The following ERC1 variants were observed in gnomAD, a reference collection of about 807,000 sequenced individuals.
ERC1 encodes RAB6 interacting protein 2.
In ERC1, 56 loss-of-function variants were observed where a neutral mutation model predicts 132.0. The observed-to-expected ratio is 0.42, with a 90% CI of 0.34 to 0.53. The LOEUF is 0.53. ERC1 is among the 20% of genes least tolerant of loss of function. ERC1 has a pLI of 0.03. For synonymous variants in ERC1, 478 were observed against 476.1 expected (o/e 1.00, Z -0.05); for missense variants, 1,202 against 1,349.9 (o/e 0.89, Z 1.72).
intron 8 of ERC1, among the ~76,000 whole-genome samples, chr12:1,149,676 G>A (rs1386668008): frequency 6.6e-6 from 1 of 152,076 alleles, no homozygotes; most frequent in Non-Finnish European, 1.5e-5. Flanking sequence ...TACGATTACA[G>A]GCATGAGCCA....
At chr12:1,457,291 G>A (rs1362189445) in intron 18 of ERC1, among the ~76,000 whole-genome samples, 3 of 152,160 alleles carry the variant, frequency 2.0e-5, no homozygotes, top group African/African-American at 7.2e-5. Context: ...TGACATGTCT[G>A]TAGTATGCAG....
At chr12:1,415,973 T>G (rs757821663) in intron 17 of ERC1, among the ~76,000 whole-genome samples, 3 of 152,208 alleles carry the variant, frequency 2.0e-5, no homozygotes, top group Non-Finnish European at 2.9e-5. Flanking sequence ...TAAATAATTT[T>G]CCAAGATTAC....
chr12:1,283,024 A>G (rs984040512), intron 14 of ERC1, among the ~76,000 whole-genome samples: 3 of 152,196 alleles, frequency 2.0e-5, no homozygotes, highest in Non-Finnish European at 4.4e-5. Flanking sequence ...AAGGTGGGAA[A>G]CTTGAAGAAG....
chr12:1,265,827 G>A (rs113397868), intron 14 of ERC1, among the ~76,000 whole-genome samples: 2,228 of 152,206 alleles, frequency 0.015, 47 homozygotes, highest in African/African-American at 0.051. Context: ...TGTTCAGATT[G>A]GCTTCTTTCA....
chr12:1,453,234 C>T (rs1393107952), intron 18 of ERC1, among the ~76,000 whole-genome samples: 1 of 152,098 alleles, frequency 6.6e-6, no homozygotes, highest in Non-Finnish European at 1.5e-5. Flanking sequence ...GGCTGATTTC[C>T]TACCCCTTCC....
At chr12:1,011,267 C>T (rs1964636995) in intron 1 of ERC1, among the ~76,000 whole-genome samples, 1 of 152,150 alleles carries the variant, frequency 6.6e-6, no homozygotes, top group South Asian at 2.1e-4. Context: ...GTTGCCATCA[C>T]CGCTCACTCT....
chr12:1,176,450 C>G lies in ERC1; in HGVS notation c.1738-4090C>G, dbSNP rs900860869. Among the ~76,000 whole-genome samples the G allele has an allele frequency of 2.6e-5, 4 of 152,164 alleles. No individual in the cohort carries two copies. The East Asian group carries it at 7.7e-4, about 29-fold the overall frequency. ...TAGGCAGAGTAGATTTACCATAATT[C>G]CACAGGCCCTAGGATTTTCAGAATG... On this transcript the variant is annotated intron_variant, in intron 8 of 18. Coordinates refer to ENST00000360905, the MANE Select transcript of ERC1 (RefSeq NM_178040.4).
At chr12:1,179,754 G>A (rs565827966) in intron 8 of ERC1, among the ~76,000 whole-genome samples, 23 of 152,122 alleles carry the variant, frequency 1.5e-4, no homozygotes, top group Admixed American at 6.5e-4. Context: ...TGATCTGCCC[G>A]CCTCGGCCTC....
intron 18 of ERC1, among the ~76,000 whole-genome samples, chr12:1,488,266 A>G (rs1452361571): frequency 6.6e-6 from 1 of 151,770 alleles, no homozygotes; most frequent in African/African-American, 2.4e-5. Context: ...ACAGGCATGC[A>G]CCACTGTACG....
At chr12:1,092,486 G>A (rs997497768) in intron 3 of ERC1, among the ~76,000 whole-genome samples, 1 of 152,182 alleles carries the variant, frequency 6.6e-6, no homozygotes, top group Non-Finnish European at 1.5e-5. Flanking sequence ...TGAGGTATGA[G>A]CATTGTTGGC....
At chr12:1,253,406 G>T (rs781351294) in intron 13 of ERC1, among the ~76,000 whole-genome samples, 6 of 152,136 alleles carry the variant, frequency 3.9e-5, no homozygotes, top group Non-Finnish European at 7.4e-5. Context: ...GCTGGGTGTG[G>T]TGGCTCACAC....
chr12:1,190,311 T>A (rs974801455), intron 12 of ERC1: 22 of 531,978 alleles, frequency 4.1e-5, no homozygotes, highest in Non-Finnish European at 7.0e-5. Context: ...TATTCATTAA[T>A]TTAAAATTAA....
intron 7 of ERC1, among the ~76,000 whole-genome samples, chr12:1,124,799 T>A (rs1947968682): frequency 6.6e-6 from 1 of 152,030 alleles, no homozygotes; most frequent in Non-Finnish European, 1.5e-5. Context: ...CTCTAAACAA[T>A]TATATTCGAA....
chr12:1,105,699 C>T (rs890627345), intron 4 of ERC1, among the ~76,000 whole-genome samples: 12 of 152,264 alleles, frequency 7.9e-5, no homozygotes, highest in African/African-American at 2.4e-4. Flanking sequence ...TCTTCAAGGG[C>T]GGTATTAAAT....
intron 2 of ERC1, among the ~76,000 whole-genome samples, chr12:1,061,369 G>A (rs1313472796): frequency 2.0e-5 from 3 of 151,480 alleles, no homozygotes; most frequent in Non-Finnish European, 2.9e-5. Flanking sequence ...GGCTGAGTCC[G>A]CAGATCACTT....
intron 1 of ERC1, among the ~76,000 whole-genome samples, chr12:1,011,402 C>T (rs1197283211): frequency 3.3e-5 from 5 of 152,110 alleles, no homozygotes; most frequent in African/African-American, 9.7e-5. Context: ...GACAGGGTCT[C>T]TCCGTATTGC....
intron 18 of ERC1, chr12:1,480,916 C>A (rs2094077618): frequency 2.8e-6 from 2 of 702,322 alleles, no homozygotes; most frequent in Non-Finnish European, 5.2e-6. Flanking sequence ...AATGCAGACG[C>A]CCCCAGACGT....
intron 8 of ERC1, among the ~76,000 whole-genome samples, chr12:1,154,713 GA>G (rs917507190): frequency 2.6e-4 from 38 of 148,392 alleles, no homozygotes; most frequent in South Asian, 1.9e-3. Context: ...AAATCAACAA[GA>G]AAAAAAAATA....
chr12:1,037,766 C>T (rs529830504), intron 2 of ERC1, among the ~76,000 whole-genome samples: 4 of 152,090 alleles, frequency 2.6e-5, no homozygotes, highest in Admixed American at 1.3e-4. Context: ...TATATCCGGC[C>T]TGGCGCAGTG....
Sources: gnomAD v4.1 joint callset for allele counts (sites outside exome capture counted in the v4.1 genomes callset) on GRCh38, gnomAD v4.1.1 for gene constraint, MANE v1.5 for transcripts, NCBI Gene and HGNC (gene_info 2026-07-23, HGNC 2026-07-21) for gene names.